TOR4A: variants seen among roughly 807,000 people sequenced by gnomAD.
The protein encoded by TOR4A is torsin family 4 member A.
Under a neutral mutation model 11.5 loss-of-function variants are expected in TOR4A, and 12 were observed. The observed-to-expected ratio is 1.04, with a 90% CI of 0.67 to 1.69. The LOEUF is 1.69. Ranked by LOEUF, TOR4A falls within the 40% of genes most tolerant of loss-of-function variation. The pLI is 0.00. For synonymous variants in TOR4A, 362 were observed against 307.4 expected (o/e 1.18, Z -1.86); for missense variants, 640 against 643.2 (o/e 0.99, Z 0.05).
In TOR4A at chr9:137,279,033, A is replaced by C; in HGVS notation, c.344A>C (p.His115Pro). 6.2e-7 allele frequency: 1 copy of C among 1,605,256 alleles called. No individual in the cohort carries two copies. The highest frequency in any genetic ancestry group is 8.5e-7 in the Non-Finnish European group (1 of 1,176,550). ...TSRKYRPRVEHRSRAQRCLLL... is the reference protein window; with the variant it reads ...TSRKYRPRVEPRSRAQRCLLL... ...CGCAAGTATCGGCCGCGCGTGGAGC[A>C]CAGGAGCCGCGCGCAGCGCTGCCTT... The change falls in exon 2 of 2, where the codon CAC (histidine) becomes CCC (proline). Residue 115 changes from histidine to proline, a missense_variant. Coordinates refer to ENST00000357503, the MANE Select transcript of TOR4A (RefSeq NM_017723.3).
chr9:137,278,423 C>T (rs148897511), intron 1 of TOR4A, among the ~76,000 whole-genome samples: 18 of 150,094 alleles, frequency 1.2e-4, no homozygotes, highest in African/African-American at 3.9e-4. Flanking sequence ...ATGGGAAGAC[C>T]CGAGAGATTT....
rs1176828025 is a variant in TOR4A at position 137,279,385 on chromosome 9, G to A, written c.696G>A (p.Glu232=). 1.3e-6 allele frequency: 2 copies of A among 1,521,498 alleles called. No homozygotes were observed. The highest frequency in any genetic ancestry group is 1.8e-6 in the Non-Finnish European group (2 of 1,136,736). 94.2% of individuals were successfully genotyped at this position (1,521,498 alleles called of 1,614,324 possible). ...ACCATGCGCGGCACCACTGCCCCGA[G>A]GCGCGCGCCGCACAGGACTGCCGCG... ...LQYHARHHCP[E]ARAAQDCREE... is the part of the protein sequence containing the mutation. Residue 232 remains glutamate, a synonymous_variant, in exon 2 of 2, where the codon GAG becomes GAA. Transcript: ENST00000357503.
chr9:137,280,148 G>A lies in TOR4A; in HGVS notation c.*187G>A. 1.4e-6 allele frequency: 1 copy of A among 703,844 alleles called. No homozygotes were observed. Among genetic ancestry groups the A allele is most frequent in the Non-Finnish European group, 2.4e-6 (1 of 423,064 alleles). 43.6% of individuals were successfully genotyped at this position (703,844 alleles called of 1,614,324 possible). On this transcript the variant is annotated 3_prime_UTR_variant, in exon 2 of 2. Transcript: ENST00000357503. ...TCAGAGTCCGGAGTCTGTCCCTGGG[G>A]GCGGCAGGACAGCAGCCACCTCCCT...
At position 137,279,669 on chromosome 9, in the gene TOR4A, G is replaced by T. The variant is rs1375283743; in HGVS notation, c.980G>T (p.Arg327Leu). Residue 327 changes from arginine (R) to leucine (L), a missense_variant, in exon 2 of 2, where the codon CGC becomes CTC. Arg to Leu is a moderately radical substitution (Grantham distance 102, BLOSUM62 -2). Coordinates refer to ENST00000357503, the MANE Select transcript of TOR4A (RefSeq NM_017723.3). Reference sequence around the variant, plus strand: ...CTGCCCCTGCGCCCCGACGGCTTCCGCAGTGCCGAGGCCGCAGCGGCGCAG... The same window carrying T: ...CTGCCCCTGCGCCCCGACGGCTTCCTCAGTGCCGAGGCCGCAGCGGCGCAG... ...RALPLRPDGF[R>L]SAEAAAAQAE... is the part of the protein sequence containing the mutation. The T allele has an allele frequency of 3.2e-6, 5 of 1,566,266 alleles. No individual in the cohort carries two copies. The highest frequency in any genetic ancestry group is 4.3e-6 in the Non-Finnish European group (5 of 1,161,518).
Position 137,281,391 on chromosome 9 carries a change from TC to T in TOR4A, c.*1434del. 1 of 155,924 alleles carries T rather than the reference TC, an allele frequency of 6.4e-6. No homozygotes were observed. 9.7% of individuals were successfully genotyped at this position (155,924 alleles called of 1,614,324 possible). On this transcript the variant is annotated 3_prime_UTR_variant, in exon 2 of 2. Coordinates refer to ENST00000357503, the MANE Select transcript of TOR4A (RefSeq NM_017723.3). Reference sequence around the variant, plus strand: ...GAGACCGCGCCCACCAGCGCCGGTGTCCCCGGAGGGGCCCCGCTAGTTCCCT... The same window carrying T: ...GAGACCGCGCCCACCAGCGCCGGTGTCCCGGAGGGGCCCCGCTAGTTCCCT...
Position 137,279,874 on chromosome 9 carries a change from C to T in TOR4A, c.1185C>T (p.Ala395=), listed in dbSNP as rs778539558. ...ACCAGGCCCGCGCGGAGAACCTGGC[C>T]GCGCAGCTCAGCTTCTACCGCGTGG... ...FPDQARAENL[A]AQLSFYRVAG... The change falls in exon 2 of 2, where the codon GCC becomes GCT. Residue 395 remains alanine, a synonymous_variant. Transcript: ENST00000357503. 9 of 1,583,682 alleles carry T rather than the reference C, an allele frequency of 5.7e-6. No individual in the cohort carries two copies. The Admixed American group carries it at 8.9e-5, about 16-fold the overall frequency.
rs1327116309 is a variant in TOR4A at position 137,279,614 on chromosome 9, C to A, written c.925C>A (p.Arg309Ser). ...TGGCGCGGGTGGCGCCGAGGTCACG[C>A]GCTTCGTGCTGCAGAACGCGTCCCG... The part of the protein sequence containing the change: ...LSGAGGAEVT[R>S]FVLQNASRAL... Residue 309 changes from arginine to serine, a missense_variant, in exon 2 of 2, where the codon CGC (arginine) becomes AGC (serine). Transcript: ENST00000357503. 1.9e-6 allele frequency: 3 copies of A among 1,566,064 alleles called. No homozygotes were observed. The highest frequency in any genetic ancestry group is 2.6e-6 in the Non-Finnish European group (3 of 1,160,438).
In TOR4A at chr9:137,278,960, C is replaced by A; in HGVS notation, c.271C>A (p.Arg91Ser). The A allele has an allele frequency of 6.2e-7, 1 of 1,604,816 alleles. No homozygotes were observed. The highest frequency in any genetic ancestry group is 8.5e-7 in the Non-Finnish European group (1 of 1,177,980). Residue 91 changes from arginine (R) to serine (S), a missense_variant, in exon 2 of 2, where the codon CGC (arginine) becomes AGC (serine). By Grantham distance (110) the Arg-to-Ser change is moderately radical. Transcript: ENST00000357503. ...SPAELPSRTP[R>S]KKRRRSRLVL... ...CGCGGAGCTACCCTCCAGGACGCCA[C>A]GCAAGAAGCGCCGGCGCAGCCGCCT...
At position 137,282,369 on chromosome 9, in the gene TOR4A, T is replaced by C. The variant is rs536286439; in HGVS notation, c.*2408T>C. On this transcript the variant is annotated 3_prime_UTR_variant, in exon 2 of 2. Coordinates refer to ENST00000357503, the MANE Select transcript of TOR4A (RefSeq NM_017723.3). ...GCGCCCGCCATCACGCCCGGGTAAT[T>C]TTTTTGTATTGTTGGTAGAGACGGT... 1 of 155,142 alleles carries C rather than the reference T, an allele frequency of 6.4e-6. No homozygotes were observed. Among genetic ancestry groups the C allele is most frequent in the Non-Finnish European group, 1.5e-5 (1 of 68,054 alleles). 9.6% of individuals were successfully genotyped at this position (155,142 alleles called of 1,614,324 possible).
At chr9:137,278,515 G>A (rs1196115828) in intron 1 of TOR4A, 138 bp from the exon 2 acceptor site, 1 of 506,052 alleles carries the variant, frequency 2.0e-6, no homozygotes, top group Admixed American at 4.6e-5. Flanking sequence ...CCGCGACCAG[G>A]CCCCTGGCCC....
rs1388750640 is a variant in TOR4A at position 137,278,989 on chromosome 9, G to A, written c.300G>A (p.Val100=). Residue 100 remains valine (V), a synonymous_variant, in exon 2 of 2, where the codon GTG becomes GTA. Coordinates refer to ENST00000357503, the MANE Select transcript of TOR4A (RefSeq NM_017723.3). ...PRKKRRRSRL[V]LYPETSRKYR... is the part of the protein sequence containing the mutation. ...AGAAGCGCCGGCGCAGCCGCCTGGT[G>A]CTTTACCCGGAGACCTCGCGCAAGT... 2 of 1,606,740 alleles carry A rather than the reference G, an allele frequency of 1.2e-6. No homozygotes were observed. The highest frequency in any genetic ancestry group is 3.4e-5 in the Admixed American group (2 of 59,552).
Position 137,280,170 on chromosome 9 carries a change from C to T in TOR4A, c.*209C>T, listed in dbSNP as rs1471035984. ...GGGGGCGGCAGGACAGCAGCCACCT[C>T]CCTCCCAAACTTGCCCATTGCCCTG... On this transcript the variant is annotated 3_prime_UTR_variant, in exon 2 of 2. Transcript: ENST00000357503. 3 of 629,882 alleles carry T rather than the reference C, an allele frequency of 4.8e-6. No individual in the cohort carries two copies. Among genetic ancestry groups the T allele is most frequent in the Non-Finnish European group, 5.6e-6 (2 of 357,700 alleles). 39.0% of individuals were successfully genotyped at this position (629,882 alleles called of 1,614,324 possible). A position where few individuals can be genotyped will look rare whatever the true frequency, so the allele number is the denominator to read the frequency against.
chr9:137,279,660 A>T lies in TOR4A; in HGVS notation c.971A>T (p.Asp324Val). ...NASRALPLRP[D>V]GFRSAEAAAA... Reference sequence around the variant, plus strand: ...TCCCGCGCGCTGCCCCTGCGCCCCGACGGCTTCCGCAGTGCCGAGGCCGCA... The same window carrying T: ...TCCCGCGCGCTGCCCCTGCGCCCCGTCGGCTTCCGCAGTGCCGAGGCCGCA... The change falls in exon 2 of 2, where the codon GAC becomes GTC. Residue 324 changes from aspartate to valine, a missense_variant. Physicochemically the swap from Asp to Val is radical, Grantham distance 152. Transcript: ENST00000357503. The T allele has an allele frequency of 6.4e-7, 1 of 1,564,560 alleles. No homozygotes were observed. Among genetic ancestry groups the T allele is most frequent in the Middle Eastern group, 1.7e-4 (1 of 5,994 alleles).
rs372435173 is a variant in TOR4A, at chr9:137,282,189, CTCTTTCTT to C, written c.*2242_*2249del. ...GTCCAGACCTAAGGGGAAATTTTAT[CTCTTTCTT>C]TCTTTCTTTCTTTTTTTTTTGACAC... On this transcript the variant is annotated 3_prime_UTR_variant, in exon 2 of 2. Coordinates refer to ENST00000357503, the MANE Select transcript of TOR4A (RefSeq NM_017723.3). 6.0e-6 allele frequency: 1 copy of C among 166,842 alleles called. No homozygotes were observed. The highest frequency in any genetic ancestry group is 1.5e-5 in the Non-Finnish European group (1 of 68,154). The allele number at this position is 166,842 out of a possible 1,614,324, so 10.3% of individuals were successfully genotyped here. A position where few individuals can be genotyped will look rare whatever the true frequency, so the allele number is the denominator to read the frequency against.
At position 137,279,586 on chromosome 9, in the gene TOR4A, C is replaced by T. The variant is rs774262607; in HGVS notation, c.897C>T (p.Leu299=). The T allele has an allele frequency of 1.9e-6, 3 of 1,572,894 alleles. No individual in the cohort carries two copies. In the South Asian group the frequency reaches 3.4e-5, roughly 18 times the overall value. Residue 299 remains leucine, a synonymous_variant, in exon 2 of 2, where the codon CTC becomes CTT. Transcript: ENST00000357503. ...TCCACAACGCCATCTACGTGCTCCT[C>T]AGTGGCGCGGGTGGCGCCGAGGTCA... ...HHFHNAIYVL[L]SGAGGAEVTR... is the part of the protein sequence containing the mutation.
Position 137,280,363 on chromosome 9 carries a change from T to A in TOR4A, c.*402T>A, listed in dbSNP as rs568088195. On this transcript the variant is annotated 3_prime_UTR_variant, in exon 2 of 2. Coordinates refer to ENST00000357503, the MANE Select transcript of TOR4A (RefSeq NM_017723.3). ...GTTGCTCAGTGCTGAAGTGGGGTTC[T>A]CATTCCGGCCCCCCTGGAGATGACC... is the stretch of plus-strand genomic sequence containing the variant. 31 of 212,932 alleles carry A rather than the reference T, an allele frequency of 1.5e-4. No individual in the cohort carries two copies. The highest frequency in any genetic ancestry group is 2.7e-4 in the Admixed American group (5 of 18,322). 13.2% of individuals were successfully genotyped at this position (212,932 alleles called of 1,614,324 possible). A position where few individuals can be genotyped will look rare whatever the true frequency, so the allele number is the denominator to read the frequency against.
chr9:137,280,032 T>C lies in TOR4A; in HGVS notation c.*71T>C, dbSNP rs1588195556. The C allele has an allele frequency of 6.9e-7, 1 of 1,450,666 alleles. No homozygotes were observed. The highest frequency in any genetic ancestry group is 2.5e-5 in the East Asian group (1 of 40,090). The allele number at this position is 1,450,666 out of a possible 1,614,324, so 89.9% of individuals were successfully genotyped here. A position where few individuals can be genotyped will look rare whatever the true frequency, so the allele number is the denominator to read the frequency against. ...GGCGACCAGGGACCTTGTGGGCTGGTGCAGGCCCCTGAGGTTTCTAGTGAA... is the reference window on the plus strand; with the variant it reads ...GGCGACCAGGGACCTTGTGGGCTGGCGCAGGCCCCTGAGGTTTCTAGTGAA... On this transcript the variant is annotated 3_prime_UTR_variant, in exon 2 of 2. Transcript: ENST00000357503.
rs367848505 is a variant in TOR4A at position 137,280,246 on chromosome 9, T to G, written c.*285T>G. The G allele has an allele frequency of 5.4e-5, 29 of 536,528 alleles. No homozygotes were observed. The highest frequency in any genetic ancestry group is 1.5e-4 in the African/African-American group (8 of 52,662). The allele number at this position is 536,528 out of a possible 1,614,324, so 33.2% of individuals were successfully genotyped here. The stretch of plus-strand genomic sequence containing the variant: ...GCGTTCTCCCTGTGGCCCCAAGAGG[T>G]GGGTTCCCATGGTACAAGGATGATC... On this transcript the variant is annotated 3_prime_UTR_variant, in exon 2 of 2. Coordinates refer to ENST00000357503, the MANE Select transcript of TOR4A (RefSeq NM_017723.3).
rs2118999013 is a variant in TOR4A at position 137,277,903 on chromosome 9, T to G, written c.-42T>G. Reference sequence around the variant, plus strand: ...GCGGAGCTGAGGGCAGTGGACCAGCTGCAGGTAGGGGGTGGGTTGGGGCCC... The same window carrying G: ...GCGGAGCTGAGGGCAGTGGACCAGCGGCAGGTAGGGGGTGGGTTGGGGCCC... On this transcript the variant is annotated 5_prime_UTR_variant, in exon 1 of 2. Coordinates refer to ENST00000357503, the MANE Select transcript of TOR4A (RefSeq NM_017723.3). 1 of 152,508 alleles carries G rather than the reference T, an allele frequency of 6.6e-6. No individual in the cohort carries two copies. Among genetic ancestry groups the G allele is most frequent in the South Asian group, 2.1e-4 (1 of 4,834 alleles). The allele number at this position is 152,508 out of a possible 1,614,324, so 9.4% of individuals were successfully genotyped here.
Sources: allele counts gnomAD v4.1 joint callset (sites outside exome capture counted in the v4.1 genomes callset), GRCh38; gene constraint gnomAD v4.1.1; transcripts MANE v1.5; gene names NCBI Gene and HGNC (gene_info 2026-07-23, HGNC 2026-07-21).